Variants in PPL observed in about 807,000 individuals in gnomAD.
PPL encodes periplakin, also known as 190 kDa paraneoplastic pemphigus antigen.
A neutral mutation model predicts 194.4 loss-of-function variants in PPL; 198 were observed. That is an observed-to-expected ratio of 1.02 (90% CI 0.91 to 1.15). The LOEUF (loss-of-function observed/expected upper bound fraction) is 1.15, where lower values mean the gene tolerates loss of function less well. Ranked by LOEUF, PPL falls within the 50% of genes most tolerant of loss-of-function variation. PPL has a pLI of 0.00. For missense variants in PPL, 2,885 were observed against 2,294.8 expected (o/e 1.26, Z -5.25); for synonymous variants, 1,220 against 972.4 (o/e 1.25, Z -4.74).
chr16:4,904,148 C>T, intron 2 of PPL, 108 bp from the exon 3 acceptor site: 1 of 1,191,332 alleles, frequency 8.4e-7, no homozygotes, highest in Non-Finnish European at 1.2e-6. Flanking sequence ...CCTTCTTTCC[C>T]TTTGAATAAC....
At chr16:4,892,246 C>A (rs200040474) in intron 14 of PPL, 33 bp from the exon 15 acceptor site, 1 of 1,589,944 alleles carries the variant, frequency 6.3e-7, no homozygotes, top group African/African-American at 1.3e-5. Context: ...GTTTTGGACA[C>A]AGCCAGGCAG....
chr16:4,930,233 G>A (rs2089209942), intron 1 of PPL, among the ~76,000 whole-genome samples: 2 of 152,174 alleles, frequency 1.3e-5, no homozygotes, highest in Admixed American at 6.5e-5. Context: ...GACCTCTCCT[G>A]AAGAAGCCTG....
In PPL at chr16:4,895,209, G is replaced by A. The variant is rs2088400520; in HGVS notation, c.1242+52C>T. The stretch of plus-strand genomic sequence containing the variant: ...CGCCTGAGGCCCGGGATCCAACCAT[G>A]TTACCCCAAAAACTTTGTAGTGATG... On this transcript the variant is annotated intron_variant, in intron 11 of 21. Transcript: ENST00000345988. The A allele has an allele frequency of 1.2e-5, 19 of 1,526,018 alleles. No individual in the cohort carries two copies. In the South Asian group the frequency reaches 2.4e-4, roughly 19 times the overall value. The allele number at this position is 1,526,018 out of a possible 1,614,324, so 94.5% of individuals were successfully genotyped here.
Position 4,899,059 on chromosome 16 carries a change from C to T in PPL, c.830G>A (p.Gly277Asp). ...EERINKLHSE[G>D]DQLLAAEHPG... ...GTGCTCGGCCGCCAGCAGCTGGTCG[C>T]CCTCGCTGTGCAGTTTGTTGATTCT... Residue 277 changes from glycine to aspartate, a missense_variant, in exon 8 of 22, where the codon GGC (glycine) becomes GAC (aspartate). Physicochemically the swap from Gly to Asp is moderately conservative, Grantham distance 94. Transcript: ENST00000345988. 1 of 1,613,072 alleles carries T rather than the reference C, an allele frequency of 6.2e-7. No homozygotes were observed. The highest frequency in any genetic ancestry group is 8.5e-7 in the Non-Finnish European group (1 of 1,179,566).
intron 1 of PPL, among the ~76,000 whole-genome samples, chr16:4,927,067 T>G (rs550044678): frequency 9.2e-5 from 14 of 152,182 alleles, no homozygotes; most frequent in African/African-American, 2.9e-4. Context: ...TAGGGCACTA[T>G]GGTGGAGTAG....
chr16:4,902,589 C>A lies in PPL; in HGVS notation c.318-63G>T, dbSNP rs2142368099. The A allele has an allele frequency of 1.3e-6, 2 of 1,571,686 alleles. No individual in the cohort carries two copies. Among genetic ancestry groups the A allele is most frequent in the East Asian group, 4.6e-5 (2 of 43,666 alleles). On this transcript the variant is annotated intron_variant, in intron 3 of 21. Coordinates refer to ENST00000345988, the MANE Select transcript of PPL (RefSeq NM_002705.5). This position sits in a 1 kb window ranked among gnomAD's most constrained non-coding sequence, Gnocchi z 4.0. ...GGCACTGCCTGCACCCCAGGAGGGGCCCCCCACCCAGACCCCGGCCTCAGT... is the reference window on the plus strand; with the variant it reads ...GGCACTGCCTGCACCCCAGGAGGGGACCCCCACCCAGACCCCGGCCTCAGT...
In PPL at chr16:4,902,184, G is replaced by A. The variant is rs556285592; in HGVS notation, c.438+222C>T. 2.0e-5 allele frequency among the ~76,000 whole-genome samples: 3 copies of A among 152,274 alleles called. No homozygotes were observed. The East Asian group carries it at 5.8e-4, about 29-fold the overall frequency. ...CAGCAGCGAGGTGTGGCTGACAGGGGACAGAGTCCGAATCTCCACCGCTTG... is the reference window on the plus strand; with the variant it reads ...CAGCAGCGAGGTGTGGCTGACAGGGAACAGAGTCCGAATCTCCACCGCTTG... On this transcript the variant is annotated intron_variant, in intron 4 of 21. Transcript: ENST00000345988. This position sits in a 1 kb window ranked among gnomAD's most constrained non-coding sequence, Gnocchi z 4.0.
At chr16:4,892,320 G>C in intron 14 of PPL, 107 bp from the exon 15 acceptor site, 2 of 1,249,272 alleles carry the variant, frequency 1.6e-6, no homozygotes, top group Non-Finnish European at 2.2e-6. Context: ...AGTGGAAGCA[G>C]CTGGAGAGGC....
At chr16:4,908,838 G>A (rs1276730071) in intron 2 of PPL, among the ~76,000 whole-genome samples, 1 of 152,226 alleles carries the variant, frequency 6.6e-6, no homozygotes, top group Non-Finnish European at 1.5e-5. Context: ...ACCGCACCCG[G>A]CTCATGATTT....
intron 16 of PPL, among the ~76,000 whole-genome samples, chr16:4,891,199 A>T (rs2088314224): frequency 6.6e-6 from 1 of 152,198 alleles, no homozygotes; most frequent in African/African-American, 2.4e-5. Flanking sequence ...TCTGGTCATG[A>T]GGCTGTGGCA....
At position 4,885,118 on chromosome 16, in the gene PPL, C is replaced by G. The variant is rs1316763229; in HGVS notation, c.3537G>C (p.Arg1179=). ...VVQEKVREIV[R]PDPKAESEVA... is the part of the protein sequence containing the mutation. Reference sequence around the variant, plus strand: ...CTTCACTTTCCGCCTTGGGGTCTGGCCGCACGATCTCCCGCACCTTCTCCT... The same window carrying G: ...CTTCACTTTCCGCCTTGGGGTCTGGGCGCACGATCTCCCGCACCTTCTCCT... Residue 1179 remains arginine (R), a synonymous_variant, in exon 22 of 22, where the codon CGG becomes CGC. Transcript: ENST00000345988. The surrounding 1 kb of genome is among the most constrained non-coding windows in gnomAD (Gnocchi z 6.3). 4 of 1,613,938 alleles carry G rather than the reference C, an allele frequency of 2.5e-6. No individual in the cohort carries two copies. The highest frequency in any genetic ancestry group is 3.4e-6 in the Non-Finnish European group (4 of 1,180,004).
chr16:4,903,995 C>T lies in PPL; in HGVS notation c.208G>A (p.Val70Met), dbSNP rs375563379. 60 of 1,613,380 alleles carry T rather than the reference C, an allele frequency of 3.7e-5. No individual in the cohort carries two copies. Among genetic ancestry groups the T allele is most frequent in the African/African-American group, 1.1e-4 (8 of 74,926 alleles). ...QEGRQPEHRD[V>M]TLQKVLDSEK... ...GAGTCCAACACCTTCTGCAGGGTCA[C>T]GTCCCGGTGCTCAGGCTGCCGACCC... is the stretch of plus-strand genomic sequence containing the variant. The change falls in exon 3 of 22, where the codon GTG (valine) becomes ATG (methionine). Residue 70 changes from valine to methionine, a missense_variant. By Grantham distance (21) the Val-to-Met change is conservative. Transcript: ENST00000345988.
intron 19 of PPL, 26 bp from the exon 20 acceptor site, chr16:4,888,244 GGGGAGATTAAAACA>G: frequency 6.6e-7 from 1 of 1,513,122 alleles, no homozygotes; most frequent in Non-Finnish European, 9.2e-7. Flanking sequence ...ACATGGCAGA[GGGGAGATTAAAACA>G]GCTGAGAAGA....
In PPL at chr16:4,895,684, C is replaced by A; in HGVS notation, c.1005G>T (p.Leu335=). 8 of 1,614,014 alleles carry A rather than the reference C, an allele frequency of 5.0e-6. No homozygotes were observed. Among genetic ancestry groups the A allele is most frequent in the Non-Finnish European group, 6.8e-6 (8 of 1,180,026 alleles). ...FHEDVKDAQE[L]LRKVDSDLNQ... The stretch of plus-strand genomic sequence containing the variant: ...TCAGGTCCGAGTCCACCTTGCGCAG[C>A]AGCTCCTGAGCGTCCTTCACGTCTT... The change falls in exon 10 of 22, where the codon CTG becomes CTT. Residue 335 remains leucine (L), a synonymous_variant. Coordinates refer to ENST00000345988, the MANE Select transcript of PPL (RefSeq NM_002705.5).
Position 4,893,685 on chromosome 16 carries a change from CT to C in PPL, c.1395-48del, listed in dbSNP as rs757446741. Reference sequence around the variant, plus strand: ...GGGAACCTGGGCAGCCCACCACCCCCTGCACCCACAGAGGCGGGACTGCGGA... The same window carrying C: ...GGGAACCTGGGCAGCCCACCACCCCCGCACCCACAGAGGCGGGACTGCGGA... On this transcript the variant is annotated intron_variant, in intron 12 of 21. Transcript: ENST00000345988. 6.7e-6 allele frequency: 10 copies of C among 1,494,260 alleles called. No individual in the cohort carries two copies. The Admixed American group carries it at 9.8e-5, about 15-fold the overall frequency. The allele number at this position is 1,494,260 out of a possible 1,614,324, so 92.6% of individuals were successfully genotyped here.
chr16:4,916,031 T>C (rs965885827), intron 1 of PPL, among the ~76,000 whole-genome samples: 2 of 152,124 alleles, frequency 1.3e-5, no homozygotes, highest in African/African-American at 4.8e-5. Context: ...CTACAATGGC[T>C]ATAATAAAAA....
Position 4,902,388 on chromosome 16 carries a change from G to A in PPL, c.438+18C>T, listed in dbSNP as rs146686503. ...CCCAGCTGAAACCCTGGAGCCAGCG[G>A]CCCCGTCCAGGCCATACCAGCTTCT... On this transcript the variant is annotated intron_variant, in intron 4 of 21. Transcript: ENST00000345988. The surrounding 1 kb of genome is among the most constrained non-coding windows in gnomAD (Gnocchi z 4.0). The A allele has an allele frequency of 1.5e-3, 2,364 of 1,612,594 alleles. 19 individuals carry two copies. The highest frequency in any genetic ancestry group is 9.6e-3 in the African/African-American group (720 of 74,990).
chr16:4,887,499 G>A (rs1437037602), intron 20 of PPL, among the ~76,000 whole-genome samples: 1 of 152,176 alleles, frequency 6.6e-6, no homozygotes, highest in Non-Finnish European at 1.5e-5. Context: ...TCTCTTGTGT[G>A]TACAGGAGAC....
chr16:4,891,677 G>A, intron 16 of PPL, 134 bp downstream of exon 16: 1 of 1,156,268 alleles, frequency 8.6e-7, no homozygotes, highest in Admixed American at 2.5e-5. Context: ...TCCATTTGCA[G>A]TTCCCAATTT....
Sources: gnomAD v4.1 joint callset for allele counts (sites outside exome capture counted in the v4.1 genomes callset) on GRCh38, gnomAD v4.1.1 for gene constraint, Gnocchi (gnomAD v3.1) non-coding constraint, MANE v1.5 for transcripts, NCBI Gene and HGNC (gene_info 2026-07-23, HGNC 2026-07-21) for gene names.